The following GNAQ variants were observed in gnomAD, a reference collection of about 807,000 sequenced individuals.
GNAQ encodes guanine nucleotide-binding protein G(q) subunit alpha.
In GNAQ, 8 loss-of-function variants were observed where a neutral mutation model predicts 43.9. The ratio of observed to expected loss-of-function variants is 0.18; its 90% confidence interval spans 0.11 to 0.33. The LOEUF is 0.33. Ranked by LOEUF, GNAQ falls within the 10% of genes least tolerant of loss-of-function variation. The probability of loss-of-function intolerance (pLI) is 1.00; values close to 1 mark genes in which losing one functional copy is unlikely to be tolerated. For synonymous variants in GNAQ, 155 were observed against 170.7 expected (o/e 0.91, Z 0.71); for missense variants, 158 against 450.8 (o/e 0.35, Z 5.88).
chr9:77,753,680 T>A (rs1019290985), intron 5 of GNAQ, among the ~76,000 whole-genome samples: 1 of 152,182 alleles, frequency 6.6e-6, no homozygotes, highest in Admixed American at 6.5e-5. Context: ...TAAAAAACAT[T>A]CCTCCGTTTT....
chr9:77,899,953 A>G (rs567637806), intron 2 of GNAQ, among the ~76,000 whole-genome samples: 1 of 152,318 alleles, frequency 6.6e-6, no homozygotes, highest in South Asian at 2.1e-4. Context: ...GCTACAGGAA[A>G]GACAATATGC....
At chr9:77,891,165 T>C (rs1828398909) in intron 2 of GNAQ, among the ~76,000 whole-genome samples, 1 of 152,202 alleles carries the variant, frequency 6.6e-6, no homozygotes, top group Non-Finnish European at 1.5e-5. Context: ...CTTATTTTGA[T>C]TTTTTTACTG....
At chr9:77,957,559 G>GC (rs1007874617) in intron 1 of GNAQ, among the ~76,000 whole-genome samples, 4 of 152,122 alleles carry the variant, frequency 2.6e-5, no homozygotes, top group African/African-American at 9.7e-5. Flanking sequence ...CAGGAGAAAA[G>GC]CAAGGGGAAT....
intron 5 of GNAQ, among the ~76,000 whole-genome samples, chr9:77,743,123 G>A (rs1449476084): frequency 6.6e-6 from 1 of 152,042 alleles, no homozygotes; most frequent in African/African-American, 2.4e-5. Context: ...CCGGGCGTAG[G>A]GGCATGAGCC....
intron 2 of GNAQ, among the ~76,000 whole-genome samples, chr9:77,839,544 T>C (rs781540124): frequency 5.3e-5 from 8 of 152,232 alleles, no homozygotes; most frequent in Non-Finnish European, 8.8e-5. Flanking sequence ...GGTAACGTTC[T>C]GCATTCCAGT....
At chr9:77,994,653 G>C (rs1413399462) in intron 1 of GNAQ, among the ~76,000 whole-genome samples, 2 of 152,128 alleles carry the variant, frequency 1.3e-5, no homozygotes, top group Non-Finnish European at 2.9e-5. Flanking sequence ...TTCTCCCTGT[G>C]CTTAATATGA....
rs1452933363 is a variant in GNAQ, at chr9:77,719,103, G to A, written c.*2220C>T. ...TACAGCACGACGCTAGTACCGCTCT[G>A]TATGACAGTAAGGTTTTTTTTTTTT... On this transcript the variant is annotated 3_prime_UTR_variant, in exon 7 of 7. Coordinates refer to ENST00000286548, the MANE Select transcript of GNAQ (RefSeq NM_002072.5). The A allele has an allele frequency of 1.3e-5, 3 of 230,396 alleles. No homozygotes were observed. Among genetic ancestry groups the A allele is most frequent in the Admixed American group, 5.7e-5 (1 of 17,614 alleles). The allele number at this position is 230,396 out of a possible 1,614,324, so 14.3% of individuals were successfully genotyped here. A position where few individuals can be genotyped will look rare whatever the true frequency, so the allele number is the denominator to read the frequency against.
At chr9:77,967,280 C>A (rs1302098990) in intron 1 of GNAQ, among the ~76,000 whole-genome samples, 1 of 152,162 alleles carries the variant, frequency 6.6e-6, no homozygotes, top group African/African-American at 2.4e-5. Flanking sequence ...TCGGTCAGAT[C>A]CAACTGTGGC....
At position 77,794,473 on chromosome 9, in the gene GNAQ, G is replaced by T. The variant is rs1361664931; in HGVS notation, c.725C>A (p.Ser242Ter). Residue 242 changes from serine (S) to a stop codon, truncating the protein, a stop_gained, in exon 5 of 7, where the codon TCA (serine) becomes TAA (stop). Transcript: ENST00000286548. LOFTEE classifies it high-confidence loss of function. ...LSEYDQVLVE[S>*]DNENRMEESK... ...CTAAAGAACACTTACCTCATTGTCT[G>T]ACTCCACGAGAACTTGATCATATTC... The T allele has an allele frequency of 6.3e-7, 1 of 1,594,944 alleles. No homozygotes were observed. Among genetic ancestry groups the T allele is most frequent in the South Asian group, 1.1e-5 (1 of 89,448 alleles).
chr9:77,762,810 T>A (rs1444255347), intron 5 of GNAQ, among the ~76,000 whole-genome samples: 63 of 152,292 alleles, frequency 4.1e-4, no homozygotes, highest in African/African-American at 1.5e-3. Flanking sequence ...CCCAACCCTG[T>A]GCTCTCTGAA....
intron 3 of GNAQ, among the ~76,000 whole-genome samples, chr9:77,804,498 C>CCCA (rs1826794262): frequency 1.3e-5 from 2 of 152,156 alleles, no homozygotes; most frequent in African/African-American, 2.4e-5. Flanking sequence ...GCTTGGGCAA[C>CCCA]ACAGTAAGAC....
At chr9:77,940,783 C>A (rs577840191) in intron 1 of GNAQ, among the ~76,000 whole-genome samples, 1 of 151,880 alleles carries the variant, frequency 6.6e-6, no homozygotes, top group East Asian at 2.0e-4. Context: ...CTGGCTAACA[C>A]GGTGAAACCC....
In GNAQ at chr9:77,724,144, T is replaced by A. The variant is rs184611434; in HGVS notation, c.890-2631A>T. On this transcript the variant is annotated intron_variant, in intron 6 of 6. Transcript: ENST00000286548. ...ATCTGTCTTTGTGTTGCTTTATATA[T>A]GCATTTCCTCCTATTTTTTCAAGTT... Among the ~76,000 whole-genome samples, 33 of 152,296 alleles carry A rather than the reference T, an allele frequency of 2.2e-4. No homozygotes were observed. In the East Asian group the frequency reaches 5.2e-3, roughly 24 times the overall value.
intron 2 of GNAQ, among the ~76,000 whole-genome samples, chr9:77,916,418 A>C (rs1828905812): frequency 6.6e-6 from 1 of 152,220 alleles, no homozygotes; most frequent in African/African-American, 2.4e-5. Context: ...GATCAAGGGC[A>C]ACAATAAGTT....
intron 1 of GNAQ, among the ~76,000 whole-genome samples, chr9:77,982,363 T>C (rs1823378388): frequency 6.6e-6 from 1 of 152,196 alleles, no homozygotes; most frequent in South Asian, 2.1e-4. Flanking sequence ...ATTTTTTTAA[T>C]TGAATCCTCT....
At chr9:77,809,265 G>A (rs1826877246) in intron 3 of GNAQ, among the ~76,000 whole-genome samples, 1 of 152,188 alleles carries the variant, frequency 6.6e-6, no homozygotes, top group Non-Finnish European at 1.5e-5. Context: ...GGGGAATTCG[G>A]TGAAGTAAGA....
At chr9:78,000,445 G>C (rs1333609254) in intron 1 of GNAQ, among the ~76,000 whole-genome samples, 3 of 152,150 alleles carry the variant, frequency 2.0e-5, no homozygotes, top group African/African-American at 7.2e-5. Context: ...CCAGAGATGA[G>C]GGATGGTTTT....
intron 5 of GNAQ, among the ~76,000 whole-genome samples, chr9:77,766,019 G>A (rs1014239131): frequency 6.6e-6 from 1 of 152,178 alleles, no homozygotes; most frequent in Non-Finnish European, 1.5e-5. Flanking sequence ...AGTTATATGA[G>A]GTACACAGAG....
chr9:77,964,992 T>C (rs1256181734), intron 1 of GNAQ, among the ~76,000 whole-genome samples: 1 of 152,168 alleles, frequency 6.6e-6, no homozygotes, highest in Non-Finnish European at 1.5e-5. Context: ...TCACTTCTAT[T>C]AGACCTAATG....
Sources: allele counts gnomAD v4.1 joint callset (sites outside exome capture counted in the v4.1 genomes callset), GRCh38; gene constraint gnomAD v4.1.1; transcripts MANE v1.5; gene names NCBI Gene and HGNC (gene_info 2026-07-23, HGNC 2026-07-21).